ATG7: variants seen among roughly 807,000 people sequenced by gnomAD.
ATG7 encodes the protein ubiquitin-like modifier-activating enzyme ATG7.
In ATG7, 70 loss-of-function variants were observed where a neutral mutation model predicts 82.4. That is an observed-to-expected ratio of 0.85 (90% CI 0.70 to 1.04). ATG7 has a LOEUF of 1.04. Ranked by LOEUF, ATG7 falls within the 50% of genes least tolerant of loss-of-function variation. ATG7 has a pLI of 0.00. For missense variants in ATG7, 792 were observed against 864.3 expected, an observed-to-expected ratio of 0.92 and a Z score of 1.05; for synonymous variants, 287 against 313.0, an observed-to-expected ratio of 0.92 and a Z score of 0.88.
At chr3:11,315,639 C>A in intron 9 of ATG7, 146 bp downstream of exon 9, 1 of 691,706 alleles carries the variant, frequency 1.4e-6, no homozygotes, top group Non-Finnish European at 2.2e-6. Context: ...TATCTCTATC[C>A]TCTCCCACCC....
At chr3:11,374,056 C>T (rs2077216390) in intron 18 of ATG7, among the ~76,000 whole-genome samples, 1 of 152,122 alleles carries the variant, frequency 6.6e-6, no homozygotes, top group Non-Finnish European at 1.5e-5. Flanking sequence ...GTGTCTTGTC[C>T]TCTAAAAGCA....
At chr3:11,386,346 C>A (rs916447515) in intron 19 of ATG7, among the ~76,000 whole-genome samples, 4 of 152,192 alleles carry the variant, frequency 2.6e-5, no homozygotes, top group South Asian at 4.2e-4. Flanking sequence ...CCATTTAGAT[C>A]ACTGTTAATT....
intron 1 of ATG7, among the ~76,000 whole-genome samples, chr3:11,277,896 C>G (rs994358996): frequency 1.6e-5 from 2 of 128,212 alleles, no homozygotes; most frequent in African/African-American, 2.9e-5. Flanking sequence ...TATAGACCCC[C>G]CCCCCCCCAC....
At chr3:11,350,737 CAA>C (rs1178017130) in intron 14 of ATG7, among the ~76,000 whole-genome samples, 2 of 151,808 alleles carry the variant, frequency 1.3e-5, no homozygotes, top group African/African-American at 2.4e-5. Context: ...GGTCATGTTG[CAA>C]AGAGTGAGGA....
chr3:11,324,171 A>G (rs1161178969), intron 9 of ATG7, among the ~76,000 whole-genome samples: 1 of 152,242 alleles, frequency 6.6e-6, no homozygotes, highest in Non-Finnish European at 1.5e-5. Context: ...TACAAAAGGA[A>G]GTGATTTGCC....
intron 19 of ATG7, among the ~76,000 whole-genome samples, chr3:11,383,965 C>T (rs905358761): frequency 6.6e-6 from 1 of 152,120 alleles, no homozygotes; most frequent in African/African-American, 2.4e-5. Context: ...CCATGTAACC[C>T]ACACTCTTCC....
intron 20 of ATG7, among the ~76,000 whole-genome samples, chr3:11,483,588 G>A (rs530103326): frequency 1.7e-4 from 26 of 152,200 alleles, no homozygotes; most frequent in African/African-American, 6.0e-4. Flanking sequence ...TTTACAGGAG[G>A]TACACAGAAA....
downstream of ATG7, among the ~76,000 whole-genome samples, chr3:11,559,168 T>C (rs12636828): frequency 1.9e-3 from 296 of 152,208 alleles, 5 homozygotes; most frequent in East Asian, 0.046. Context: ...CCCACCCAAG[T>C]CATGCGCAAC....
intron 18 of ATG7, 65 bp downstream of exon 18, chr3:11,364,799 T>G: frequency 1.9e-6 from 3 of 1,559,588 alleles, no homozygotes; most frequent in Non-Finnish European, 2.6e-6. Context: ...GGGGTCTCTT[T>G]GCCATTCCAT....
At chr3:11,574,043 G>C in the ATG7 span, among the ~76,000 whole-genome samples, 2 of 152,172 alleles carry the variant, frequency 1.3e-5, no homozygotes. Flanking sequence ...CTGAGAGAAA[G>C]GCCTGCACAG....
intron 20 of ATG7, among the ~76,000 whole-genome samples, chr3:11,515,947 G>A (rs1420984414): frequency 6.6e-6 from 1 of 151,848 alleles, no homozygotes; most frequent in African/African-American, 2.4e-5. Flanking sequence ...GGTAGTGTGT[G>A]CTGAAGATCA....
At chr3:11,408,597 G>T (rs894290985) in intron 19 of ATG7, among the ~76,000 whole-genome samples, 1 of 152,186 alleles carries the variant, frequency 6.6e-6, no homozygotes, top group African/African-American at 2.4e-5. Flanking sequence ...AGTTCCACAT[G>T]GTTGGGGAGG....
intron 20 of ATG7, among the ~76,000 whole-genome samples, chr3:11,442,773 T>TAAAAAAAA (rs2084123530): frequency 1.6e-5 from 1 of 62,684 alleles, no homozygotes; most frequent in African/African-American, 4.9e-5. Context: ...AAAAAAAAAT[T>TAAAAAAAA]AGCCAGGTTT....
chr3:11,487,004 T>A (rs2089756968), intron 20 of ATG7, among the ~76,000 whole-genome samples: 1 of 151,842 alleles, frequency 6.6e-6, no homozygotes, highest in Non-Finnish European at 1.5e-5. Flanking sequence ...TTTGTGTCCC[T>A]GATTACTTGA....
intron 9 of ATG7, among the ~76,000 whole-genome samples, chr3:11,322,775 A>G (rs1950377187): frequency 6.6e-6 from 1 of 152,140 alleles, no homozygotes; most frequent in Admixed American, 6.5e-5. Flanking sequence ...ATTTCCATAG[A>G]AAAGATGTCT....
chr3:11,443,061 G>A (rs1256005747), intron 20 of ATG7, among the ~76,000 whole-genome samples: 1 of 152,176 alleles, frequency 6.6e-6, no homozygotes, highest in Non-Finnish European at 1.5e-5. Flanking sequence ...ACATCATTTA[G>A]AAAAGACACT....
chr3:11,275,525 T>TTTA (rs2152618195), intron 1 of ATG7, among the ~76,000 whole-genome samples: 1 of 148,262 alleles, frequency 6.7e-6, no homozygotes, highest in African/African-American at 2.5e-5. Context: ...ATTTTTTTTT[T>TTTA]TTTTTTTTTT....
chr3:11,454,854 T>C (rs1360470481), intron 20 of ATG7, among the ~76,000 whole-genome samples: 2 of 152,214 alleles, frequency 1.3e-5, no homozygotes, highest in African/African-American at 2.4e-5. Flanking sequence ...GATACAGATA[T>C]AGAACACTTC....
chr3:11,354,728 C>G (rs1211049904), intron 14 of ATG7, among the ~76,000 whole-genome samples: 2 of 148,942 alleles, frequency 1.3e-5, no homozygotes, highest in Non-Finnish European at 3.0e-5. Flanking sequence ...ATCTGGACAT[C>G]TGCTTCAACC....
Sources: gnomAD v4.1 joint callset for allele counts (sites outside exome capture counted in the v4.1 genomes callset) on GRCh38, gnomAD v4.1.1 for gene constraint, MANE v1.5 for transcripts, NCBI Gene and HGNC (gene_info 2026-07-23, HGNC 2026-07-21) for gene names.